Variants in PPFIA2 observed in about 807,000 individuals in gnomAD.
PPFIA2 encodes the protein liprin-alpha-2.
Under a neutral mutation model 175.5 loss-of-function variants are expected in PPFIA2, and 46 were observed. The observed-to-expected ratio is 0.26, with a 90% CI of 0.21 to 0.34. The LOEUF (loss-of-function observed/expected upper bound fraction) is 0.34, where lower values mean the gene tolerates loss of function less well. PPFIA2 is among the 10% of genes least tolerant of loss of function. The pLI is 1.00. For synonymous variants in PPFIA2, 568 were observed against 511.4 expected, an observed-to-expected ratio of 1.11 and a Z score of -1.49; for missense variants, 1,179 against 1,506.1, an observed-to-expected ratio of 0.78 and a Z score of 3.60.
At chr12:81,497,263 C>T (rs981967830) in intron 4 of PPFIA2, among the ~76,000 whole-genome samples, 1 of 151,992 alleles carries the variant, frequency 6.6e-6, no homozygotes, top group African/African-American at 2.4e-5. Flanking sequence ...GCACCAAGCC[C>T]ACATTTTCAG....
intron 22 of PPFIA2, among the ~76,000 whole-genome samples, chr12:81,301,164 A>G (rs1178318839): frequency 6.6e-6 from 1 of 151,984 alleles, no homozygotes; most frequent in Non-Finnish European, 1.5e-5. Flanking sequence ...TGGCATTCCA[A>G]GCAGGAGAAG....
intron 4 of PPFIA2, among the ~76,000 whole-genome samples, chr12:81,604,260 G>T (rs905582975): frequency 2.0e-5 from 3 of 151,706 alleles, no homozygotes; most frequent in African/African-American, 7.2e-5. Flanking sequence ...GCATGGAAAT[G>T]GTTGGGAAAA....
chr12:81,448,466 T>A (rs2051754523), intron 5 of PPFIA2, among the ~76,000 whole-genome samples: 1 of 152,176 alleles, frequency 6.6e-6, no homozygotes, highest in African/African-American at 2.4e-5. Context: ...AAACACTATT[T>A]CAGTTAAAAT....
At chr12:81,317,953 A>G (rs899563143) in intron 22 of PPFIA2, among the ~76,000 whole-genome samples, 7 of 151,668 alleles carry the variant, frequency 4.6e-5, no homozygotes, top group Non-Finnish European at 3.0e-5. Flanking sequence ...AATATTAGAC[A>G]TAATTATGGT....
intron 16 of PPFIA2, among the ~76,000 whole-genome samples, chr12:81,357,383 G>T (rs1351412952): frequency 6.6e-6 from 1 of 152,174 alleles, no homozygotes; most frequent in Admixed American, 6.6e-5. Flanking sequence ...GGATTATATA[G>T]TATTTGGGGT....
intron 6 of PPFIA2, among the ~76,000 whole-genome samples, chr12:81,441,388 T>C (rs1249036462): frequency 6.6e-6 from 1 of 152,024 alleles, no homozygotes; most frequent in African/African-American, 2.4e-5. Context: ...TAATATTAAT[T>C]ATATTTTGTT....
At chr12:81,565,659 T>A (rs2071134909) in intron 4 of PPFIA2, among the ~76,000 whole-genome samples, 1 of 152,152 alleles carries the variant, frequency 6.6e-6, no homozygotes, top group African/African-American at 2.4e-5. Context: ...TCTCCAATTA[T>A]AAAATTATAG....
chr12:81,468,094 A>G (rs1277460518), intron 4 of PPFIA2, among the ~76,000 whole-genome samples: 1 of 152,116 alleles, frequency 6.6e-6, no homozygotes, highest in Non-Finnish European at 1.5e-5. Flanking sequence ...TTTTTCTCCA[A>G]TAGAAAAAAA....
At chr12:81,289,300 G>A (rs2137471739) in intron 24 of PPFIA2, among the ~76,000 whole-genome samples, 1 of 151,862 alleles carries the variant, frequency 6.6e-6, no homozygotes, top group East Asian at 1.9e-4. Context: ...GTATTACACT[G>A]AGCTGACTAA....
At position 81,556,614 on chromosome 12, in the gene PPFIA2, A is replaced by C. The variant is rs541079909; in HGVS notation, c.304-98748T>G. Among the ~76,000 whole-genome samples, 7 of 152,024 alleles carry C rather than the reference A, an allele frequency of 4.6e-5. No homozygotes were observed. In the South Asian group the frequency reaches 1.2e-3, roughly 27 times the overall value. On this transcript the variant is annotated intron_variant, in intron 4 of 32. Transcript: ENST00000549396. ...TCAAACAAGTGGGAAAATTTGTGCA[A>C]GTTTTTAATCAATATTTTGATAGGT...
At chr12:81,369,360 T>G in intron 11 of PPFIA2, 166 bp from the exon 12 acceptor site, 1 of 1,471,628 alleles carries the variant, frequency 6.8e-7, no homozygotes, top group Non-Finnish European at 9.0e-7. Context: ...GCTTGAAATG[T>G]GTCAGCTACA....
chr12:81,685,903 C>T (rs1340292249), intron 3 of PPFIA2, among the ~76,000 whole-genome samples: 3 of 151,946 alleles, frequency 2.0e-5, no homozygotes, highest in East Asian at 3.9e-4. Flanking sequence ...GCTCTACTGC[C>T]GCATTAGGTA....
At chr12:81,699,607 G>A (rs2076277358) in intron 3 of PPFIA2, among the ~76,000 whole-genome samples, 1 of 151,646 alleles carries the variant, frequency 6.6e-6, no homozygotes, top group Non-Finnish European at 1.5e-5. Flanking sequence ...GGTTAGTTAA[G>A]TATAATCTAA....
intron 4 of PPFIA2, among the ~76,000 whole-genome samples, chr12:81,468,204 A>G (rs1342104411): frequency 6.6e-6 from 1 of 152,244 alleles, no homozygotes; most frequent in Non-Finnish European, 1.5e-5. Flanking sequence ...TCTTCAGCCA[A>G]TTAATGCTCT....
At position 81,658,982 on chromosome 12, in the gene PPFIA2, C is replaced by T. The variant is rs2068284258; in HGVS notation, c.303+17809G>A. Among the ~76,000 whole-genome samples the T allele has an allele frequency of 2.6e-5, 4 of 152,104 alleles. No homozygotes were observed. The South Asian group carries it at 8.3e-4, about 32-fold the overall frequency. ...TGAATATATATTAATATTTATTTTG[C>T]ATATTTTGCCCTATTTCATTAACAC... On this transcript the variant is annotated intron_variant, in intron 4 of 32. Transcript: ENST00000549396.
intron 11 of PPFIA2, among the ~76,000 whole-genome samples, chr12:81,371,080 G>A (rs1352436186): frequency 1.3e-5 from 2 of 151,730 alleles, no homozygotes; most frequent in East Asian, 3.9e-4. Flanking sequence ...GTGTGCTTAT[G>A]CAAACTACAA....
At chr12:81,749,963 A>G (rs2083534894) in intron 3 of PPFIA2, among the ~76,000 whole-genome samples, 1 of 143,924 alleles carries the variant, frequency 6.9e-6, no homozygotes, top group East Asian at 2.1e-4. Flanking sequence ...GGCAGTTCAG[A>G]GGGTTTTGCA....
chr12:81,479,194 T>A (rs1293233778), intron 4 of PPFIA2, among the ~76,000 whole-genome samples: 2 of 152,188 alleles, frequency 1.3e-5, no homozygotes, highest in Admixed American at 6.5e-5. Flanking sequence ...TCTTTTTTGA[T>A]CTTTGTTGGT....
At chr12:81,369,290 C>G (rs1458386171) in intron 11 of PPFIA2, 96 bp from the exon 12 acceptor site, 8 of 1,536,436 alleles carry the variant, frequency 5.2e-6, no homozygotes, top group Non-Finnish European at 7.0e-6. Context: ...AAGCTACTAC[C>G]AACTGCAAAC....
Sources: allele counts gnomAD v4.1 joint callset (sites outside exome capture counted in the v4.1 genomes callset), GRCh38; gene constraint gnomAD v4.1.1; transcripts MANE v1.5; gene names NCBI Gene and HGNC (gene_info 2026-07-23, HGNC 2026-07-21).